RUNX3: variants seen among roughly 807,000 people sequenced by gnomAD.
RUNX3 encodes runt-related transcription factor 3.
RUNX3 carries 10 observed loss-of-function variants against 27.7 expected under a neutral mutation model. The observed-to-expected ratio is 0.36, with a 90% CI of 0.22 to 0.61. The LOEUF is 0.61. RUNX3 is among the 20% of genes least tolerant of loss of function. RUNX3 has a pLI of 0.72. For missense variants in RUNX3, 469 were observed against 629.5 expected (o/e 0.75, Z 2.73); for synonymous variants, 270 against 269.2 (o/e 1.00, Z -0.03).
rs182729711 is a variant in RUNX3 at position 24,928,256 on chromosome 1, G to A, written c.283-526C>T. On this transcript the variant is annotated intron_variant, in intron 1 of 4. Transcript: ENST00000308873. The stretch of plus-strand genomic sequence containing the variant: ...ATTGGCCTCTGCAGAGCCTAAATTC[G>A]TTATGCAGAGAAAATGCAGAATGCA... Among the ~76,000 whole-genome samples, 399 of 152,334 alleles carry A rather than the reference G, an allele frequency of 2.6e-3. 1 individual carries two copies. The highest frequency in any genetic ancestry group is 3.7e-3 in the Non-Finnish European group (252 of 68,034).
At chr1:24,950,116 T>C (rs938224465) in intron 2 of RUNX3, among the ~76,000 whole-genome samples, 2 of 152,242 alleles carry the variant, frequency 1.3e-5, no homozygotes, top group Non-Finnish European at 2.9e-5. Context: ...TTACCTACTT[T>C]ATAGGACCCA....
rs778397787 is a variant in RUNX3 at position 24,949,547 on chromosome 1, C to T, written c.58+14967G>A. On this transcript the variant is annotated intron_variant, in intron 2 of 6. Transcript: ENST00000338888. ...ACAAACTGAGTCCCAACCTTGACCA[C>T]AGCTTGATTTCTAGTCCAAGTTGTC... is the stretch of plus-strand genomic sequence containing the variant. Among the ~76,000 whole-genome samples the T allele has an allele frequency of 5.3e-5, 8 of 152,362 alleles. No homozygotes were observed. The South Asian group carries it at 8.3e-4, about 16-fold the overall frequency.
intron 2 of RUNX3, among the ~76,000 whole-genome samples, chr1:24,948,147 G>A (rs1641659737): frequency 2.0e-5 from 3 of 152,236 alleles, no homozygotes; most frequent in South Asian, 4.1e-4. Context: ...CTCGTGGCAG[G>A]TGTCTGGGGA....
intron 2 of RUNX3, among the ~76,000 whole-genome samples, chr1:24,964,290 G>A (rs1446742487): frequency 2.6e-5 from 4 of 152,148 alleles, no homozygotes; most frequent in Non-Finnish European, 5.9e-5. Flanking sequence ...TCGCCCCCAC[G>A]GCTTACTGTC....
At chr1:24,907,541 G>A (rs1430833989) in intron 3 of RUNX3, 124 bp from the exon 4 acceptor site, 2 of 954,618 alleles carry the variant, frequency 2.1e-6, no homozygotes, top group East Asian at 5.3e-5. Flanking sequence ...GGAGAACCCT[G>A]AGGTCACCGC....
At chr1:24,955,221 T>C (rs1288534396) in intron 2 of RUNX3, among the ~76,000 whole-genome samples, 1 of 152,110 alleles carries the variant, frequency 6.6e-6, no homozygotes, top group Non-Finnish European at 1.5e-5. Flanking sequence ...TGTGGTTGCA[T>C]AGAGGAGGAT....
chr1:24,927,800 G>C lies in RUNX3; in HGVS notation c.283-70C>G. On this transcript the variant is annotated intron_variant, in intron 1 of 4. Transcript: ENST00000308873. The surrounding 1 kb of genome is among the most constrained non-coding windows in gnomAD (Gnocchi z 5.0). ...GAAGAGGGTGACCAGGGAAAGGAGG[G>C]GAGGGGCTGGGCTGGGCAGCTCCCC... 7.0e-7 allele frequency: 1 copy of C among 1,438,574 alleles called. No individual in the cohort carries two copies. The highest frequency in any genetic ancestry group is 1.2e-5 in the South Asian group (1 of 86,792). 89.1% of individuals were successfully genotyped at this position (1,438,574 alleles called of 1,614,324 possible).
chr1:24,929,095 C>A (rs1420618099), intron 1 of RUNX3: 1 of 459,360 alleles, frequency 2.2e-6, no homozygotes, highest in Non-Finnish European at 4.4e-6. Context: ...GCCCCGATCC[C>A]GGCCTAGCGC....
intron 4 of RUNX3, among the ~76,000 whole-genome samples, chr1:24,903,860 C>T (rs1459524725): frequency 6.6e-6 from 1 of 152,226 alleles, no homozygotes; most frequent in Admixed American, 6.5e-5. Context: ...CACTTAACCT[C>T]TCTGCGCATC....
intron 2 of RUNX3, among the ~76,000 whole-genome samples, chr1:24,938,424 C>T (rs992603766): frequency 7.9e-5 from 12 of 152,178 alleles, no homozygotes; most frequent in Admixed American, 5.9e-4. Context: ...GACAAGTGGA[C>T]TTGACTCTGA....
chr1:24,914,956 C>T (rs1640860975), intron 3 of RUNX3, among the ~76,000 whole-genome samples: 1 of 152,218 alleles, frequency 6.6e-6, no homozygotes, highest in African/African-American at 2.4e-5. Flanking sequence ...CTCCTTCTCC[C>T]AGCTTTGTTT....
intron 4 of RUNX3, among the ~76,000 whole-genome samples, chr1:24,906,556 C>T (rs1386523312): frequency 6.6e-6 from 1 of 152,208 alleles, no homozygotes; most frequent in Non-Finnish European, 1.5e-5. Flanking sequence ...TGAGCGGCTA[C>T]TATGCGCCAG....
At chr1:24,964,548 G>T (rs757929429) in exon 2 of RUNX3, 1 of 1,611,966 alleles carries the variant, frequency 6.2e-7, no homozygotes, top group South Asian at 1.1e-5. Flanking sequence ...TCGGGAAGGA[G>T]TCGAAGATGC....
intron 2 of RUNX3, among the ~76,000 whole-genome samples, chr1:24,924,593 T>C (rs1641064424): frequency 6.6e-6 from 1 of 152,176 alleles, no homozygotes; most frequent in Non-Finnish European, 1.5e-5. Context: ...ACCCTGCCTG[T>C]TCCCTCTGCT....
chr1:24,931,227 T>C (rs1260625858), upstream of RUNX3, among the ~76,000 whole-genome samples: 2 of 152,202 alleles, frequency 1.3e-5, no homozygotes, highest in Non-Finnish European at 2.9e-5. Context: ...GGGTGGAAAG[T>C]GGCCTCTGCG....
rs532454563 is a variant in RUNX3 at position 24,929,787 on chromosome 1, T to TGCC, written c.79_81dup (p.Gly27dup). 2.6e-4 allele frequency: 378 copies of TGCC among 1,432,368 alleles called. 1 individual carries two copies. Among genetic ancestry groups the TGCC allele is most frequent in the South Asian group, 2.3e-3 (161 of 70,178 alleles). 88.7% of individuals were successfully genotyped at this position (1,432,368 alleles called of 1,614,324 possible). On this transcript the variant is annotated inframe_insertion, in exon 1 of 5. Transcript: ENST00000308873. ...AGCGCGCCGCTGTTCTCGCCCATCT[T>TGCC]GCCGCCGCCGCCGCCGCAGGGGAAG... is the stretch of plus-strand genomic sequence containing the variant.
intron 2 of RUNX3, among the ~76,000 whole-genome samples, chr1:24,939,204 C>T (rs1350711098): frequency 6.6e-6 from 1 of 152,202 alleles, no homozygotes; most frequent in Non-Finnish European, 1.5e-5. Context: ...AGTGCACACA[C>T]ACACGCACAC....
At chr1:24,921,982 G>A (rs1221832343) in intron 2 of RUNX3, among the ~76,000 whole-genome samples, 1 of 152,046 alleles carries the variant, frequency 6.6e-6, no homozygotes, top group African/African-American at 2.4e-5. Context: ...ACAAGGTCTT[G>A]CTCTGTCACC....
upstream of RUNX3, among the ~76,000 whole-genome samples, chr1:24,930,618 C>T (rs554393175): frequency 1.1e-4 from 16 of 152,004 alleles, 1 homozygote; most frequent in African/African-American, 3.9e-4. This position sits in a 1 kb window ranked among gnomAD's most constrained non-coding sequence, Gnocchi z 4.1. Flanking sequence ...CCCCTTCGCT[C>T]CTCCTCCCCG....
Sources: gnomAD v4.1 joint callset for allele counts (sites outside exome capture counted in the v4.1 genomes callset) on GRCh38, gnomAD v4.1.1 for gene constraint, Gnocchi (gnomAD v3.1) non-coding constraint, MANE v1.5 for transcripts, NCBI Gene and HGNC (gene_info 2026-07-23, HGNC 2026-07-21) for gene names.